SPAG16: variants seen among roughly 807,000 people sequenced by gnomAD.
SPAG16 encodes the protein sperm associated antigen 16.
SPAG16 carries 86 observed loss-of-function variants against 80.4 expected under a neutral mutation model. The ratio of observed to expected loss-of-function variants is 1.07; its 90% CI spans 0.90 to 1.28. SPAG16 has a LOEUF of 1.28. Among genes scored for constraint, SPAG16 ranks in the 50% most tolerant of loss-of-function variants. The probability of loss-of-function intolerance (pLI) is 0.00; values close to 1 mark genes in which losing one functional copy is unlikely to be tolerated. For missense variants in SPAG16, 870 were observed against 765.3 expected (o/e 1.14, Z -1.61); for synonymous variants, 294 against 265.9 (o/e 1.11, Z -1.03).
At chr2:213,713,795 A>ATC (rs958671113) in intron 10 of SPAG16, among the ~76,000 whole-genome samples, 3 of 152,164 alleles carry the variant, frequency 2.0e-5, no homozygotes, top group African/African-American at 7.2e-5. Flanking sequence ...CTGGACTGGG[A>ATC]TTTTTAAGAC....
intron 13 of SPAG16, 60 bp from the exon 14 acceptor site, chr2:214,108,136 A>G: frequency 2.3e-6 from 3 of 1,316,180 alleles, no homozygotes; most frequent in Non-Finnish European, 3.2e-6. Context: ...AGCATCTTTG[A>G]ATTCCTTTTT....
At chr2:214,223,154 C>T (rs189652398) in intron 15 of SPAG16, among the ~76,000 whole-genome samples, 2,683 of 148,832 alleles carry the variant, frequency 0.018, 49 homozygotes, top group African/African-American at 0.043. Flanking sequence ...TTTGGATCTT[C>T]CTGGGGAGAC....
At chr2:214,272,796 G>A (rs1683047525) in intron 15 of SPAG16, among the ~76,000 whole-genome samples, 1 of 152,050 alleles carries the variant, frequency 6.6e-6, no homozygotes, top group Non-Finnish European at 1.5e-5. Context: ...TAATCCTTTG[G>A]GTATATACCC....
intron 11 of SPAG16, among the ~76,000 whole-genome samples, chr2:213,912,242 T>A (rs1202662210): frequency 6.6e-6 from 1 of 152,286 alleles, no homozygotes; most frequent in East Asian, 1.9e-4. Flanking sequence ...AGAAATGATA[T>A]CAATATACAT....
intron 10 of SPAG16, among the ~76,000 whole-genome samples, chr2:213,669,510 CTG>C (rs1242713370): frequency 6.6e-6 from 1 of 152,184 alleles, no homozygotes; most frequent in African/African-American, 2.4e-5. Flanking sequence ...AAGCACAAAA[CTG>C]TGTAATGTTT....
intron 10 of SPAG16, among the ~76,000 whole-genome samples, chr2:213,773,600 T>C (rs918405162): frequency 6.6e-6 from 1 of 152,166 alleles, no homozygotes; most frequent in Non-Finnish European, 1.5e-5. Flanking sequence ...TCGCCCAGGA[T>C]GGAGTGTGCA....
At chr2:213,859,892 A>G (rs10187032) in intron 10 of SPAG16, among the ~76,000 whole-genome samples, 52,300 of 152,056 alleles carry the variant, frequency 0.34, 9,456 homozygotes, top group South Asian at 0.47. Context: ...TATGAACCCC[A>G]GCTCTTTTGA....
chr2:214,292,584 T>C (rs1472340269), intron 15 of SPAG16, among the ~76,000 whole-genome samples: 1 of 152,216 alleles, frequency 6.6e-6, no homozygotes, highest in African/African-American at 2.4e-5. Context: ...ATTGCTTTAA[T>C]CATTTTTATT....
chr2:214,402,186 ATAAC>A (rs1479272742), intron 15 of SPAG16, among the ~76,000 whole-genome samples: 3 of 152,080 alleles, frequency 2.0e-5, no homozygotes, highest in African/African-American at 4.8e-5. Context: ...AATAAATTTC[ATAAC>A]TAACATAGGG....
At chr2:213,444,269 T>TA (rs1559139007) in intron 9 of SPAG16, among the ~76,000 whole-genome samples, 1 of 152,214 alleles carries the variant, frequency 6.6e-6, no homozygotes, top group African/African-American at 2.4e-5. Flanking sequence ...CTCCTGATTA[T>TA]AAAAAACTGG....
chr2:213,941,085 C>T (rs1166802407), intron 12 of SPAG16, among the ~76,000 whole-genome samples: 1 of 152,114 alleles, frequency 6.6e-6, no homozygotes, highest in Non-Finnish European at 1.5e-5. Flanking sequence ...ATGTGGGTCA[C>T]CGCAAAATGC....
At chr2:213,380,086 A>T (rs997258590) in intron 9 of SPAG16, among the ~76,000 whole-genome samples, 1 of 152,106 alleles carries the variant, frequency 6.6e-6, no homozygotes, top group Non-Finnish European at 1.5e-5. Context: ...CAATTTTCCA[A>T]TCGTGCTTCT....
chr2:213,793,848 C>T (rs2070855638), intron 10 of SPAG16, among the ~76,000 whole-genome samples: 1 of 152,130 alleles, frequency 6.6e-6, no homozygotes, highest in African/African-American at 2.4e-5. Flanking sequence ...TATCCATTAT[C>T]TACCTATATA....
chr2:213,503,804 A>G (rs1479066458), intron 10 of SPAG16, among the ~76,000 whole-genome samples: 2 of 152,068 alleles, frequency 1.3e-5, no homozygotes, highest in Non-Finnish European at 2.9e-5. Flanking sequence ...AAAATGTGGA[A>G]ATGTAACCGG....
At chr2:213,892,200 C>A (rs2076809307) in intron 11 of SPAG16, among the ~76,000 whole-genome samples, 3 of 152,024 alleles carry the variant, frequency 2.0e-5, no homozygotes, top group South Asian at 2.1e-4. Context: ...CCCTTTAGGA[C>A]CTTCTCCACT....
chr2:214,083,224 T>G lies in SPAG16; in HGVS notation c.1528-24972T>G, dbSNP rs1434049004. ...TAGGATGAAAGTTTTAGAAGAATACTTGAGACCTCTTGTCCAGGGCCTCTC... is the reference window on the plus strand; with the variant it reads ...TAGGATGAAAGTTTTAGAAGAATACGTGAGACCTCTTGTCCAGGGCCTCTC... On this transcript the variant is annotated intron_variant, in intron 13 of 15. Transcript: ENST00000331683. 2.6e-5 allele frequency among the ~76,000 whole-genome samples: 4 copies of G among 152,272 alleles called. No homozygotes were observed. The East Asian group carries it at 7.7e-4, about 29-fold the overall frequency.
intron 10 of SPAG16, among the ~76,000 whole-genome samples, chr2:213,725,034 C>CTT (rs1336640515): frequency 1.4e-5 from 2 of 146,864 alleles, no homozygotes. Context: ...GACTCTGCTC[C>CTT]TTTTTTTTTT....
At chr2:214,092,968 C>G (rs1008875313) in intron 13 of SPAG16, among the ~76,000 whole-genome samples, 1 of 152,108 alleles carries the variant, frequency 6.6e-6, no homozygotes, top group Non-Finnish European at 1.5e-5. Context: ...TTGCCAAACT[C>G]ATAGAACCAT....
intron 14 of SPAG16, 40 bp downstream of exon 14, chr2:214,108,301 A>T: frequency 6.9e-7 from 1 of 1,459,744 alleles, no homozygotes. Context: ...TTAATGCTTC[A>T]TATATACAAA....
Sources: gnomAD v4.1 joint callset for allele counts (sites outside exome capture counted in the v4.1 genomes callset) on GRCh38, gnomAD v4.1.1 for gene constraint, MANE v1.5 for transcripts, NCBI Gene and HGNC (gene_info 2026-07-23, HGNC 2026-07-21) for gene names.